TSPEAR: variants seen among roughly 807,000 people sequenced by gnomAD.
The protein encoded by TSPEAR is thrombospondin-type laminin G domain and EAR repeat-containing protein.
TSPEAR carries 69 observed loss-of-function variants against 71.6 expected under a neutral mutation model. The ratio of observed to expected loss-of-function variants is 0.96; its 90% CI spans 0.79 to 1.18. The LOEUF is 1.18. Among genes scored for constraint, TSPEAR ranks in the 50% most tolerant of loss-of-function variants. TSPEAR has a pLI of 0.00. For synonymous variants in TSPEAR, 402 were observed against 387.2 expected, an observed-to-expected ratio of 1.04 and a Z score of -0.45; for missense variants, 971 against 894.9, an observed-to-expected ratio of 1.09 and a Z score of -1.09.
rs549702968 is a variant in TSPEAR at position 44,703,891 on chromosome 21, G to A, written c.82+7542C>T. Among the ~76,000 whole-genome samples the A allele has an allele frequency of 1.7e-4, 26 of 152,266 alleles. 2 individuals are homozygous for A. Among genetic ancestry groups the A allele is most frequent in the Admixed American group, 1.4e-3 (21 of 15,294 alleles). On this transcript the variant is annotated intron_variant, in intron 1 of 11. Transcript: ENST00000323084. ...CACACCACACCAGTGCCACCGCCCA[G>A]CTCCTGAGTCCCCCCAGCTGCAGTG... is the stretch of plus-strand genomic sequence containing the variant.
At chr21:44,670,295 TA>T (rs1985995213) in intron 1 of TSPEAR, among the ~76,000 whole-genome samples, 1 of 151,994 alleles carries the variant, frequency 6.6e-6, no homozygotes, top group Non-Finnish European at 1.5e-5. Flanking sequence ...GATCAATCAG[TA>T]AAAAGTGGGC....
chr21:44,621,301 A>G (rs1403622245), intron 1 of TSPEAR, among the ~76,000 whole-genome samples: 1 of 152,236 alleles, frequency 6.6e-6, no homozygotes, highest in Admixed American at 6.5e-5. Flanking sequence ...TAGAACTGGA[A>G]CTGTCTATTT....
intron 1 of TSPEAR, chr21:44,702,443 C>G: frequency 1.2e-6 from 2 of 1,611,318 alleles, no homozygotes; most frequent in Non-Finnish European, 1.7e-6. Flanking sequence ...GCTTGCTGCA[C>G]CTCCTCCCCA....
At chr21:44,655,936 C>T (rs1418233045) in intron 1 of TSPEAR, among the ~76,000 whole-genome samples, 7 of 152,216 alleles carry the variant, frequency 4.6e-5, no homozygotes, top group South Asian at 4.1e-4. Context: ...TCAGACACCA[C>T]ATTAATGAAA....
intron 1 of TSPEAR, among the ~76,000 whole-genome samples, chr21:44,590,938 C>T (rs1416624749): frequency 6.6e-6 from 1 of 152,092 alleles, no homozygotes; most frequent in African/African-American, 2.4e-5. Flanking sequence ...GCATTGCTTC[C>T]TGCCTCATCC....
intron 1 of TSPEAR, among the ~76,000 whole-genome samples, chr21:44,577,207 C>A (rs56817090): frequency 0.029 from 4,379 of 152,266 alleles, 184 homozygotes; most frequent in African/African-American, 0.092. Context: ...GTTGTCCGAG[C>A]TTCCAGCTTA....
At chr21:44,688,305 A>ACT (rs1569260645) in intron 1 of TSPEAR, among the ~76,000 whole-genome samples, 4 of 148,006 alleles carry the variant, frequency 2.7e-5, no homozygotes, top group Non-Finnish European at 6.0e-5. Flanking sequence ...CAACACTCAA[A>ACT]CAGTGTGGCT....
At chr21:44,646,525 C>T in intron 1 of TSPEAR, 1 of 1,612,788 alleles carries the variant, frequency 6.2e-7, no homozygotes, top group African/African-American at 1.3e-5. Context: ...GGACGACTGC[C>T]CAGAGAGCTG....
Position 44,567,821 on chromosome 21 carries a change from G to A in TSPEAR, c.267C>T (p.Ile89=), listed in dbSNP as rs782010486. The change falls in exon 2 of 12, where the codon ATC becomes ATT. Residue 89 remains isoleucine (I), a synonymous_variant. Coordinates refer to ENST00000323084, the MANE Select transcript of TSPEAR (RefSeq NM_144991.3). ...QCDLFPEEFS[I]VVTLRVPNLP... is the part of the protein sequence containing the mutation. Reference sequence around the variant, plus strand: ...GATTGGGAACTCTCAAAGTTACGACGATGGAAAATTCTTCAGGGAAGAGGT... The same window carrying A: ...GATTGGGAACTCTCAAAGTTACGACAATGGAAAATTCTTCAGGGAAGAGGT... The A allele has an allele frequency of 4.1e-5, 66 of 1,598,910 alleles. No individual in the cohort carries two copies. Among genetic ancestry groups the A allele is most frequent in the Non-Finnish European group, 5.3e-5 (62 of 1,171,150 alleles).
intron 1 of TSPEAR, chr21:44,675,902 A>G: frequency 1.3e-6 from 1 of 752,220 alleles, no homozygotes; most frequent in South Asian, 1.4e-5. Flanking sequence ...TCTTGTGCCT[A>G]CGGCGCTGGC....
At chr21:44,515,279 C>T (rs1411360035) in intron 9 of TSPEAR, among the ~76,000 whole-genome samples, 11 of 152,250 alleles carry the variant, frequency 7.2e-5, no homozygotes, top group African/African-American at 2.7e-4. Flanking sequence ...AGATGAGGCT[C>T]AGGCCAGGTG....
rs782559338 is a variant in TSPEAR at position 44,647,517 on chromosome 21, C to T, written c.82+63916G>A. ...CGCGTCACACTTTCCTCCCCACTGT[C>T]TGGGAAGAGACAACCCACAAATCCC... On this transcript the variant is annotated intron_variant, in intron 1 of 11. Coordinates refer to ENST00000323084, the MANE Select transcript of TSPEAR (RefSeq NM_144991.3). The T allele has an allele frequency of 9.5e-4, 817 of 862,384 alleles. 2 individuals are homozygous for T. The highest frequency in any genetic ancestry group is 2.3e-3 in the South Asian group (127 of 54,998). 53.4% of individuals were successfully genotyped at this position (862,384 alleles called of 1,614,324 possible).
intron 1 of TSPEAR, chr21:44,666,177 G>C (rs1985746179): frequency 2.1e-6 from 1 of 470,490 alleles, no homozygotes; most frequent in East Asian, 3.2e-5. Context: ...AGAAAGACCA[G>C]AAATGCAGAG....
intron 1 of TSPEAR, among the ~76,000 whole-genome samples, chr21:44,624,117 G>T (rs1466692695): frequency 6.6e-6 from 1 of 151,942 alleles, no homozygotes; most frequent in Non-Finnish European, 1.5e-5. Flanking sequence ...TCCCATCTCT[G>T]TACTCAGGGC....
intron 1 of TSPEAR, chr21:44,579,747 G>T (rs1281974909): frequency 6.2e-7 from 1 of 1,604,782 alleles, no homozygotes; most frequent in South Asian, 1.1e-5. Context: ...CTGGACTCCT[G>T]GCCTGAGCAG....
intron 1 of TSPEAR, among the ~76,000 whole-genome samples, chr21:44,584,943 ACTTT>A (rs1979242285): frequency 6.6e-6 from 1 of 152,218 alleles, no homozygotes; most frequent in Admixed American, 6.5e-5. Context: ...TACCCATGCT[ACTTT>A]CTTTTACATA....
Position 44,617,182 on chromosome 21 carries a change from C to T in TSPEAR, c.83-49177G>A, listed in dbSNP as rs587632374. 2.0e-5 allele frequency among the ~76,000 whole-genome samples: 3 copies of T among 152,366 alleles called. No individual in the cohort carries two copies. In the East Asian group the frequency reaches 5.8e-4, roughly 29 times the overall value. On this transcript the variant is annotated intron_variant, in intron 1 of 11. Transcript: ENST00000323084. ...ATCTCCTCTAGCAGTTGCACTGACT[C>T]CTGGCAGGTGGCAGAGGCCCCAGCT...
intron 9 of TSPEAR, among the ~76,000 whole-genome samples, chr21:44,510,271 G>A (rs1417635684): frequency 2.0e-5 from 3 of 152,184 alleles, no homozygotes; most frequent in Non-Finnish European, 2.9e-5. Flanking sequence ...CCTGCGCACG[G>A]TCCCAGGCTG....
At chr21:44,638,041 C>T (rs4818951) in intron 1 of TSPEAR, 1,132,882 of 1,611,380 alleles carry the variant, frequency 0.7, 401,079 homozygotes, top group South Asian at 0.74. Context: ...CCGTCCCCTC[C>T]TGCGGTGCCT....
Sources: allele counts gnomAD v4.1 joint callset (sites outside exome capture counted in the v4.1 genomes callset), GRCh38; gene constraint gnomAD v4.1.1; transcripts MANE v1.5; gene names NCBI Gene and HGNC (gene_info 2026-07-23, HGNC 2026-07-21).